TENM4: variants seen among roughly 807,000 people sequenced by gnomAD.
The protein encoded by TENM4 is teneurin transmembrane protein 4.
In TENM4, 82 loss-of-function variants were observed where a neutral mutation model predicts 243.3. The observed-to-expected ratio is 0.34, with a 90% CI of 0.28 to 0.40. The LOEUF is 0.40. TENM4 is among the 10% of genes least tolerant of loss of function. The pLI, the probability that TENM4 is intolerant of heterozygous loss-of-function variation, is 1.00. For missense variants in TENM4, 3,138 were observed against 3,673.3 expected, an observed-to-expected ratio of 0.85 and a Z score of 3.77; for synonymous variants, 1,412 against 1,456.3, an observed-to-expected ratio of 0.97 and a Z score of 0.69.
intron 2 of TENM4, among the ~76,000 whole-genome samples, chr11:79,294,379 G>C: frequency 6.6e-6 from 1 of 152,170 alleles, no homozygotes; most frequent in East Asian, 1.9e-4. Flanking sequence ...ATTTGAAAAA[G>C]ATGTCTCTTC....
intron 19 of TENM4, among the ~76,000 whole-genome samples, chr11:78,743,080 A>G (rs1783953): frequency 0.54 from 82,220 of 152,128 alleles, 24,713 homozygotes; most frequent in Non-Finnish European, 0.7. Flanking sequence ...ATACTACCCA[A>G]TCCAGCTAAA....
intron 1 of TENM4, among the ~76,000 whole-genome samples, chr11:79,428,401 T>C (rs148053624): frequency 3.3e-3 from 507 of 152,350 alleles, no homozygotes; most frequent in African/African-American, 0.011. Flanking sequence ...CTTTGGGTCA[T>C]GCTAAGTCTC....
chr11:79,162,748 C>A (rs1767094331), intron 3 of TENM4, among the ~76,000 whole-genome samples: 1 of 152,174 alleles, frequency 6.6e-6, no homozygotes, highest in South Asian at 2.1e-4. Context: ...TCACCCCTCC[C>A]TGGCACCAGG....
chr11:79,337,140 G>A (rs1442214073), intron 1 of TENM4, among the ~76,000 whole-genome samples: 3 of 152,240 alleles, frequency 2.0e-5, no homozygotes, highest in African/African-American at 4.8e-5. Context: ...TTGCATCCAC[G>A]TAGCAACTTA....
Position 78,688,145 on chromosome 11 carries a change from T to C in TENM4, c.5169A>G (p.Ser1723=). 6.2e-7 allele frequency: 1 copy of C among 1,614,008 alleles called. No individual in the cohort carries two copies. Among genetic ancestry groups the C allele is most frequent in the Non-Finnish European group, 8.5e-7 (1 of 1,179,886 alleles). ...TGGAGGTCTCTACCTGGACATGCAC[T>C]GAACTGTCTGTATCACTTCGGAAAC... ...VSSFRSDTDS[S]VHVQVETSSK... Residue 1723 remains serine (S), a synonymous_variant, in exon 29 of 34, where the codon TCA becomes TCG. Transcript: ENST00000278550.
chr11:78,666,947 GT>G (rs202055868), intron 32 of TENM4, among the ~76,000 whole-genome samples: 2 of 151,946 alleles, frequency 1.3e-5, no homozygotes, highest in East Asian at 1.9e-4. Flanking sequence ...AAGATGCAAT[GT>G]TTTTTTTGAT....
At chr11:78,895,704 G>A (rs1855776898) in intron 7 of TENM4, among the ~76,000 whole-genome samples, 1 of 152,128 alleles carries the variant, frequency 6.6e-6, no homozygotes, top group East Asian at 1.9e-4. Flanking sequence ...GCTCAAGTGT[G>A]GGCACCTGAT....
chr11:78,868,678 A>G (rs1859048788), intron 9 of TENM4, among the ~76,000 whole-genome samples: 1 of 152,234 alleles, frequency 6.6e-6, no homozygotes, highest in African/African-American at 2.4e-5. Flanking sequence ...CAAAGTCATT[A>G]TGCAGGAGTC....
chr11:79,163,132 A>G (rs1339387398), intron 3 of TENM4, among the ~76,000 whole-genome samples: 1 of 152,180 alleles, frequency 6.6e-6, no homozygotes, highest in Non-Finnish European at 1.5e-5. Context: ...TTGGGAGGAC[A>G]GAATTTCCCT....
Position 78,668,924 on chromosome 11 carries a change from C to A in TENM4, c.7408+13G>T. On this transcript the variant is annotated intron_variant, in intron 32 of 33. Transcript: ENST00000278550. ...TTATGGGGTCCTGCCCCTGAGTGAG[C>A]CGTGGTCCTTACCTGTCATGAAGCA... is the stretch of plus-strand genomic sequence containing the variant. 2 of 1,604,936 alleles carry A rather than the reference C, an allele frequency of 1.2e-6. No homozygotes were observed. The highest frequency in any genetic ancestry group is 2.2e-5 in the South Asian group (2 of 90,324).
intron 6 of TENM4, among the ~76,000 whole-genome samples, chr11:79,042,478 G>A (rs370916064): frequency 4.5e-4 from 68 of 152,332 alleles, no homozygotes; most frequent in African/African-American, 1.6e-3. Context: ...GCTTAAGGGA[G>A]CTTGTTTGCT....
chr11:79,154,747 A>G (rs1862570220), intron 3 of TENM4, among the ~76,000 whole-genome samples: 1 of 152,090 alleles, frequency 6.6e-6, no homozygotes, highest in African/African-American at 2.4e-5. Context: ...CCTCTACTCT[A>G]CATTCTCAGA....
chr11:79,014,336 T>C (rs1565167541), intron 6 of TENM4, among the ~76,000 whole-genome samples: 1 of 152,208 alleles, frequency 6.6e-6, no homozygotes, highest in Non-Finnish European at 1.5e-5. Flanking sequence ...GAAGCCTCTT[T>C]CTTAATGCTA....
rs191289379 is a variant in TENM4 at position 78,931,476 on chromosome 11, A to C, written c.494-27953T>G. Among the ~76,000 whole-genome samples the C allele has an allele frequency of 1.5e-4, 23 of 152,342 alleles. 1 individual carries two copies. Among genetic ancestry groups the C allele is most frequent in the African/African-American group, 5.5e-4 (23 of 41,572 alleles). On this transcript the variant is annotated intron_variant, in intron 6 of 33. Transcript: ENST00000278550. The stretch of plus-strand genomic sequence containing the variant: ...GCAGTAGAAAATAAGTGGTAGGTAT[A>C]ACATTTGCATCAAAGCATCTAAAAG...
chr11:79,168,190 A>C (rs1337186653), intron 3 of TENM4, among the ~76,000 whole-genome samples: 1 of 152,212 alleles, frequency 6.6e-6, no homozygotes, highest in Non-Finnish European at 1.5e-5. Flanking sequence ...CTGGACCTCA[A>C]GCCATCCCTC....
In TENM4 at chr11:78,785,984, A is replaced by C. The variant is rs907393133; in HGVS notation, c.2365+914T>G. On this transcript the variant is annotated intron_variant, in intron 16 of 33. Coordinates refer to ENST00000278550, the MANE Select transcript of TENM4 (RefSeq NM_001098816.3). ...CACAGACCCTTCATTTAAAAAAAAA[A>C]CCAAAAAACAAAAAACAAAAACGGA... Among the ~76,000 whole-genome samples, 4 of 149,168 alleles carry C rather than the reference A, an allele frequency of 2.7e-5. No individual in the cohort carries two copies. The East Asian group carries it at 5.8e-4, about 22-fold the overall frequency.
At chr11:79,407,212 A>G (rs950001886) in intron 1 of TENM4, among the ~76,000 whole-genome samples, 6 of 152,230 alleles carry the variant, frequency 3.9e-5, no homozygotes, top group African/African-American at 9.6e-5. Context: ...TGATCATTCT[A>G]CTTACTGCTA....
intron 2 of TENM4, among the ~76,000 whole-genome samples, chr11:79,240,439 C>T (rs1027311399): frequency 3.9e-5 from 6 of 152,066 alleles, no homozygotes; most frequent in Admixed American, 6.5e-5. Context: ...CATCATAGGC[C>T]ACCTCCTCCA....
intron 1 of TENM4, among the ~76,000 whole-genome samples, chr11:79,403,981 G>T (rs1322755390): frequency 6.6e-6 from 1 of 152,208 alleles, no homozygotes; most frequent in African/African-American, 2.4e-5. Flanking sequence ...CCCAGCTTCA[G>T]TTCCTGGACA....
Sources: allele counts gnomAD v4.1 joint callset (sites outside exome capture counted in the v4.1 genomes callset), GRCh38; gene constraint gnomAD v4.1.1; transcripts MANE v1.5; gene names NCBI Gene and HGNC (gene_info 2026-07-23, HGNC 2026-07-21).